Variants in GALNT18 observed in about 807,000 individuals in gnomAD.
The protein encoded by GALNT18 is polypeptide N-acetylgalactosaminyltransferase 18.
Under a neutral mutation model 69.5 loss-of-function variants are expected in GALNT18, and 44 were observed. The observed-to-expected ratio is 0.63, with a 90% CI of 0.50 to 0.81. The LOEUF (loss-of-function observed/expected upper bound fraction) is 0.81. Ranked by LOEUF, GALNT18 falls within the 40% of genes least tolerant of loss-of-function variation. The pLI, the probability that GALNT18 is intolerant of heterozygous loss-of-function variation, is 0.00. For synonymous variants in GALNT18, 364 were observed against 318.2 expected (o/e 1.14, Z -1.53); for missense variants, 715 against 810.0 (o/e 0.88, Z 1.42).
intron 1 of GALNT18, among the ~76,000 whole-genome samples, chr11:11,529,141 T>C (rs1265912007): frequency 1.3e-5 from 2 of 152,222 alleles, no homozygotes; most frequent in South Asian, 2.1e-4. Flanking sequence ...AGGATACCCA[T>C]TGATGCATGA....
At chr11:11,293,533 CTTTTTTT>C (rs34166465) in intron 9 of GALNT18, among the ~76,000 whole-genome samples, 6,633 of 80,230 alleles carry the variant, frequency 0.083, 184 homozygotes, top group Middle Eastern at 0.3. Flanking sequence ...ACAAACCCCT[CTTTTTTT>C]TTTTTTTTTT....
chr11:11,503,877 A>G (rs10765861), intron 1 of GALNT18, among the ~76,000 whole-genome samples: 57,949 of 152,040 alleles, frequency 0.38, 11,467 homozygotes, highest in East Asian at 0.61. Flanking sequence ...CCCTGGTCAA[A>G]TCATTGCCAG....
At position 11,328,910 on chromosome 11, in the gene GALNT18, G is replaced by T. The variant is rs138346143; in HGVS notation, c.1417-1729C>A. ...GATATTAGACTTGGCTTTCCCCTGGGTTCTTAATGCCAGTGCTTGGGTGAG... is the reference window on the plus strand; with the variant it reads ...GATATTAGACTTGGCTTTCCCCTGGTTTCTTAATGCCAGTGCTTGGGTGAG... On this transcript the variant is annotated intron_variant, in intron 8 of 10. Transcript: ENST00000227756. Among the ~76,000 whole-genome samples the T allele has an allele frequency of 5.3e-5, 8 of 152,280 alleles. No homozygotes were observed. The East Asian group carries it at 1.4e-3, about 26-fold the overall frequency.
chr11:11,375,991 C>A (rs1853742435), intron 5 of GALNT18, among the ~76,000 whole-genome samples: 3 of 152,216 alleles, frequency 2.0e-5, no homozygotes, highest in Admixed American at 2.0e-4. Context: ...ATCTCTTGCA[C>A]TCCAAAAACT....
rs574296466 is a variant in GALNT18 at position 11,511,474 on chromosome 11, C to T, written c.236-62538G>A. 6.6e-6 allele frequency among the ~76,000 whole-genome samples: 1 copy of T among 152,214 alleles called. No individual in the cohort carries two copies. Among genetic ancestry groups the T allele is most frequent in the Non-Finnish European group, 1.5e-5 (1 of 68,042 alleles). ...ATCCCCAGAATAGGCCCCAGACAATCCTGAGGAGACCTGGCTAATGCAGTG... is the reference window on the plus strand; with the variant it reads ...ATCCCCAGAATAGGCCCCAGACAATTCTGAGGAGACCTGGCTAATGCAGTG... On this transcript the variant is annotated intron_variant, in intron 1 of 10. Transcript: ENST00000227756. This position sits in a 1 kb window ranked among gnomAD's most constrained non-coding sequence, Gnocchi z 4.9.
At chr11:11,285,626 G>C (rs1849178330) in intron 10 of GALNT18, among the ~76,000 whole-genome samples, 2 of 152,124 alleles carry the variant, frequency 1.3e-5, no homozygotes. Context: ...TTCTACACTT[G>C]TCCCTTCATA....
chr11:11,403,805 G>A (rs1279641733), intron 3 of GALNT18, among the ~76,000 whole-genome samples: 4 of 152,236 alleles, frequency 2.6e-5, no homozygotes, highest in African/African-American at 9.6e-5. Context: ...ACAGGAGAGA[G>A]TGCTGACGGT....
chr11:11,593,049 GGGACTACA>G (rs1859396285), intron 1 of GALNT18, among the ~76,000 whole-genome samples: 1 of 152,148 alleles, frequency 6.6e-6, no homozygotes, highest in African/African-American at 2.4e-5. Flanking sequence ...CTGAGTAGCT[GGGACTACA>G]GGCACCCCCC....
intron 1 of GALNT18, among the ~76,000 whole-genome samples, chr11:11,514,067 T>C (rs1233309981): frequency 2.0e-5 from 3 of 152,148 alleles, no homozygotes; most frequent in Admixed American, 6.5e-5. Context: ...AGGAGGAGGC[T>C]GGAACAGAGA....
Position 11,496,883 on chromosome 11 carries a change from A to C in GALNT18, c.236-47947T>G, listed in dbSNP as rs997457121. 6.6e-6 allele frequency among the ~76,000 whole-genome samples: 1 copy of C among 152,160 alleles called. No individual in the cohort carries two copies. Among genetic ancestry groups the C allele is most frequent in the Non-Finnish European group, 1.5e-5 (1 of 68,034 alleles). On this transcript the variant is annotated intron_variant, in intron 1 of 10. Transcript: ENST00000227756. The surrounding 1 kb of genome is among the most constrained non-coding windows in gnomAD (Gnocchi z 4.0). ...CCCATCAACCACAGTAACCAGAGTG[A>C]ACTTCTAGAAACACAAATCAGATCA...
chr11:11,460,986 G>T (rs981910381), intron 1 of GALNT18, among the ~76,000 whole-genome samples: 3 of 152,212 alleles, frequency 2.0e-5, no homozygotes, highest in African/African-American at 7.2e-5. Context: ...GGGAGGTACT[G>T]GCAAGAGTTA....
At chr11:11,537,960 C>T (rs895469874) in intron 1 of GALNT18, among the ~76,000 whole-genome samples, 10 of 152,060 alleles carry the variant, frequency 6.6e-5, no homozygotes, top group African/African-American at 2.4e-4. Flanking sequence ...GTTCCATGGC[C>T]AATTTTAATC....
At position 11,540,457 on chromosome 11, in the gene GALNT18, C is replaced by T. The variant is rs1565001906; in HGVS notation, c.235+80902G>A. ...GGCAGAGCTGCAGGTGATACCTTGC[C>T]AATAGGAGACACGGCTGTTCCTCAT... On this transcript the variant is annotated intron_variant, in intron 1 of 10. Transcript: ENST00000227756. This position sits in a 1 kb window ranked among gnomAD's most constrained non-coding sequence, Gnocchi z 4.6. Among the ~76,000 whole-genome samples, 1 of 152,080 alleles carries T rather than the reference C, an allele frequency of 6.6e-6. No homozygotes were observed.
Position 11,621,693 on chromosome 11 carries a change from G to A in GALNT18, c.-100C>T. ...ACCCCGTAGCACGTCCGGAGCCGCT[G>A]GGCACCTCAGCACCTGAGTCCCGAG... On this transcript the variant is annotated 5_prime_UTR_variant, in exon 1 of 11. Transcript: ENST00000227756. The surrounding 1 kb of genome is among the most constrained non-coding windows in gnomAD (Gnocchi z 9.3). The A allele has an allele frequency of 1.2e-6, 1 of 845,408 alleles. No individual in the cohort carries two copies. Among genetic ancestry groups the A allele is most frequent in the Non-Finnish European group, 1.9e-6 (1 of 535,574 alleles). The allele number at this position is 845,408 out of a possible 1,614,324, so 52.4% of individuals were successfully genotyped here. A position where few individuals can be genotyped will look rare whatever the true frequency, so the allele number is the denominator to read the frequency against.
In GALNT18 at chr11:11,562,948, C is replaced by G. The variant is rs1476757209; in HGVS notation, c.235+58411G>C. Among the ~76,000 whole-genome samples, 1 of 152,144 alleles carries G rather than the reference C, an allele frequency of 6.6e-6. No individual in the cohort carries two copies. Among genetic ancestry groups the G allele is most frequent in the Non-Finnish European group, 1.5e-5 (1 of 68,024 alleles). Reference sequence around the variant, plus strand: ...CCCCACAGCCCTCAAGTTCACAGATCGGAAGAGACTCCCAGGAACTACATG... The same window carrying G: ...CCCCACAGCCCTCAAGTTCACAGATGGGAAGAGACTCCCAGGAACTACATG... On this transcript the variant is annotated intron_variant, in intron 1 of 10. Coordinates refer to ENST00000227756, the MANE Select transcript of GALNT18 (RefSeq NM_198516.3). This position sits in a 1 kb window ranked among gnomAD's most constrained non-coding sequence, Gnocchi z 4.1.
rs1212570856 is a variant in GALNT18, at chr11:11,270,994, C to A, written c.*150G>T. 3.3e-6 allele frequency: 2 copies of A among 613,256 alleles called. No homozygotes were observed. The highest frequency in any genetic ancestry group is 1.8e-5 in the African/African-American group (1 of 54,826). The allele number at this position is 613,256 out of a possible 1,614,324, so 38.0% of individuals were successfully genotyped here. On this transcript the variant is annotated 3_prime_UTR_variant, in exon 11 of 11. Coordinates refer to ENST00000227756, the MANE Select transcript of GALNT18 (RefSeq NM_198516.3). The stretch of plus-strand genomic sequence containing the variant: ...ACCAATCAGCATCTTTCTATAAACT[C>A]CATGAAAATTGAATAGGAAATAAAA...
Position 11,510,879 on chromosome 11 carries a change from G to A in GALNT18, c.236-61943C>T, listed in dbSNP as rs368777261. Among the ~76,000 whole-genome samples, 10 of 152,242 alleles carry A rather than the reference G, an allele frequency of 6.6e-5. No individual in the cohort carries two copies. The East Asian group carries it at 9.7e-4, about 15-fold the overall frequency. On this transcript the variant is annotated intron_variant, in intron 1 of 10. Coordinates refer to ENST00000227756, the MANE Select transcript of GALNT18 (RefSeq NM_198516.3). Reference sequence around the variant, plus strand: ...AGAGCTCAGCCCTATATATGCATTCGCTGAGCTCCATCCTCAGGCTTTCAG... The same window carrying A: ...AGAGCTCAGCCCTATATATGCATTCACTGAGCTCCATCCTCAGGCTTTCAG...
intron 6 of GALNT18, among the ~76,000 whole-genome samples, chr11:11,348,003 T>C (rs1850332330): frequency 6.6e-6 from 1 of 152,052 alleles, no homozygotes; most frequent in Admixed American, 6.5e-5. Context: ...GGCAGGACAC[T>C]GACACTCCAG....
chr11:11,447,394 C>T (rs1017354747), intron 2 of GALNT18, among the ~76,000 whole-genome samples: 8 of 152,192 alleles, frequency 5.3e-5, no homozygotes, highest in African/African-American at 1.4e-4. Context: ...TCACCACCAC[C>T]TAACATACTG....
Sources: allele counts gnomAD v4.1 joint callset (sites outside exome capture counted in the v4.1 genomes callset), GRCh38; gene constraint gnomAD v4.1.1; non-coding constraint Gnocchi (gnomAD v3.1); transcripts MANE v1.5; gene names NCBI Gene and HGNC (gene_info 2026-07-23, HGNC 2026-07-21).